Variants in ANKS1B observed in about 807,000 individuals in gnomAD.
ANKS1B encodes ankyrin repeat and sterile alpha motif domain containing 1B, also known as ankyrin repeat and sterile alpha motif domain-containing protein 1B.
ANKS1B carries 36 observed loss-of-function variants against 148.3 expected under a neutral mutation model. That is an observed-to-expected ratio of 0.24 (90% CI 0.19 to 0.32). The LOEUF is 0.32. ANKS1B is among the 10% of genes least tolerant of loss of function. The pLI is 1.00. For synonymous variants in ANKS1B, 542 were observed against 560.8 expected, an observed-to-expected ratio of 0.97 and a Z score of 0.47; for missense variants, 1,157 against 1,542.6, an observed-to-expected ratio of 0.75 and a Z score of 4.19.
chr12:99,159,628 C>G (rs570941227), intron 14 of ANKS1B, among the ~76,000 whole-genome samples: 102 of 152,176 alleles, frequency 6.7e-4, no homozygotes, highest in African/African-American at 2.3e-3. Context: ...CCCAATTCAC[C>G]ATTGATGAGT....
At chr12:99,855,519 A>G (rs1356394910) in intron 1 of ANKS1B, among the ~76,000 whole-genome samples, 5 of 152,188 alleles carry the variant, frequency 3.3e-5, no homozygotes, top group Non-Finnish European at 5.9e-5. Flanking sequence ...CAAAAAGTCA[A>G]CAAATAAACA....
At chr12:99,331,533 C>T (rs2087561758) in intron 12 of ANKS1B, among the ~76,000 whole-genome samples, 1 of 151,950 alleles carries the variant, frequency 6.6e-6, no homozygotes, top group Admixed American at 6.6e-5. Flanking sequence ...GTTTAAAATC[C>T]TGACTACTTC....
At chr12:99,549,391 G>A (rs1410179415) in intron 9 of ANKS1B, among the ~76,000 whole-genome samples, 1 of 152,152 alleles carries the variant, frequency 6.6e-6, no homozygotes, top group Non-Finnish European at 1.5e-5. Flanking sequence ...TTAAGCAGAT[G>A]GTTTTTGAAG....
At chr12:99,800,441 C>CAAAAAAAAAAAAAAAAAAAAAG (rs138056927) in intron 4 of ANKS1B, among the ~76,000 whole-genome samples, 1 of 86,750 alleles carries the variant, frequency 1.2e-5, no homozygotes, top group Non-Finnish European at 2.3e-5. Context: ...ATACAGAAGC[C>CAAAAAAAAAAAAAAAAAAAAAG]AAAAAAAAAA....
At chr12:98,855,270 A>T (rs988529755) in intron 17 of ANKS1B, among the ~76,000 whole-genome samples, 4 of 152,222 alleles carry the variant, frequency 2.6e-5, no homozygotes, top group African/African-American at 9.6e-5. Flanking sequence ...ATTCTAACAA[A>T]GGTACTCAAA....
intron 15 of ANKS1B, among the ~76,000 whole-genome samples, chr12:99,150,448 C>A (rs2074521609): frequency 6.6e-6 from 1 of 151,922 alleles, no homozygotes; most frequent in African/African-American, 2.4e-5. Flanking sequence ...TGTACTGCAG[C>A]CATTAAAGAA....
At chr12:98,769,576 C>T (rs1593174571) in intron 25 of ANKS1B, among the ~76,000 whole-genome samples, 1 of 152,084 alleles carries the variant, frequency 6.6e-6, no homozygotes, top group African/African-American at 2.4e-5. Flanking sequence ...AGGGATATAA[C>T]GTTCATCATA....
chr12:99,683,165 A>C (rs2098631062), intron 8 of ANKS1B, among the ~76,000 whole-genome samples: 1 of 152,170 alleles, frequency 6.6e-6, no homozygotes, highest in South Asian at 2.1e-4. Context: ...TCCCTCCCAC[A>C]ACATGTGGAA....
intron 14 of ANKS1B, among the ~76,000 whole-genome samples, chr12:99,217,511 G>A (rs999022553): frequency 2.0e-5 from 3 of 152,026 alleles, no homozygotes; most frequent in African/African-American, 7.3e-5. Flanking sequence ...GCTTCCTTAA[G>A]TTGGACCCAA....
intron 9 of ANKS1B, among the ~76,000 whole-genome samples, chr12:99,523,021 T>C (rs2096890509): frequency 6.6e-6 from 1 of 152,126 alleles, no homozygotes; most frequent in South Asian, 2.1e-4. Flanking sequence ...AAAGTACCAA[T>C]AATGTAGTTT....
chr12:99,084,831 A>T, intron 16 of ANKS1B, 94 bp downstream of exon 16: 1 of 926,850 alleles, frequency 1.1e-6, no homozygotes. Flanking sequence ...CAATATGTAG[A>T]ACTACTGTAC....
At chr12:99,184,946 A>G (rs1601498882) in intron 14 of ANKS1B, among the ~76,000 whole-genome samples, 1 of 152,250 alleles carries the variant, frequency 6.6e-6, no homozygotes, top group South Asian at 2.1e-4. Flanking sequence ...TATACTTTTC[A>G]TCACATATAC....
rs1054554982 is a variant in ANKS1B, at chr12:99,762,771, A to T, written c.1128+10151T>A. ...TATTCACAATCCATGCATCTGACAA[A>T]GGTCTAATATCCAGAATCTATAAGG... On this transcript the variant is annotated intron_variant, in intron 8 of 26. Transcript: ENST00000683438. Among the ~76,000 whole-genome samples, 14 of 152,304 alleles carry T rather than the reference A, an allele frequency of 9.2e-5. 1 individual carries two copies. In the South Asian group the frequency reaches 2.9e-3, roughly 32 times the overall value.
At chr12:99,593,235 T>C (rs1027156844) in intron 9 of ANKS1B, among the ~76,000 whole-genome samples, 3 of 150,486 alleles carry the variant, frequency 2.0e-5, no homozygotes, top group Admixed American at 1.3e-4. Context: ...ATTCAGATGG[T>C]TGGGGTTGGG....
chr12:99,688,190 T>C (rs994864328), intron 8 of ANKS1B, among the ~76,000 whole-genome samples: 1 of 152,182 alleles, frequency 6.6e-6, no homozygotes, highest in African/African-American at 2.4e-5. Context: ...TTTCAGTGGG[T>C]CCTTCCCCAG....
At chr12:99,867,374 A>G (rs1339471335) in intron 1 of ANKS1B, among the ~76,000 whole-genome samples, 1 of 152,172 alleles carries the variant, frequency 6.6e-6, no homozygotes, top group Non-Finnish European at 1.5e-5. Context: ...CACCAATTAT[A>G]TCAGTCTATT....
At chr12:99,076,845 G>A (rs1477378257) in intron 16 of ANKS1B, among the ~76,000 whole-genome samples, 3 of 151,942 alleles carry the variant, frequency 2.0e-5, no homozygotes, top group Non-Finnish European at 4.4e-5. Context: ...TTTAAATAAA[G>A]TTATTTGGAA....
chr12:99,788,232 C>A (rs1030561528), intron 4 of ANKS1B, among the ~76,000 whole-genome samples: 3 of 152,180 alleles, frequency 2.0e-5, no homozygotes, highest in Admixed American at 6.5e-5. Flanking sequence ...CTTTTCCCTT[C>A]TATTTAAGGA....
chr12:98,873,478 A>G (rs1321599634), intron 17 of ANKS1B, among the ~76,000 whole-genome samples: 2 of 152,266 alleles, frequency 1.3e-5, no homozygotes, highest in Admixed American at 1.3e-4. Flanking sequence ...AGGTTTAAAA[A>G]AGCAATAAAA....
Sources: gnomAD v4.1 joint callset for allele counts (sites outside exome capture counted in the v4.1 genomes callset) on GRCh38, gnomAD v4.1.1 for gene constraint, MANE v1.5 for transcripts, NCBI Gene and HGNC (gene_info 2026-07-23, HGNC 2026-07-21) for gene names.